PPP1R13B: variants seen among roughly 807,000 people sequenced by gnomAD.
PPP1R13B encodes the protein protein phosphatase 1 regulatory subunit 13B, also known as apoptosis-stimulating of p53 protein 1.
In PPP1R13B, 44 loss-of-function variants were observed where a neutral mutation model predicts 119.8. The observed-to-expected ratio is 0.37, with a 90% CI of 0.29 to 0.47. The LOEUF is 0.47. PPP1R13B is among the 20% of genes least tolerant of loss of function. The pLI, the probability that PPP1R13B is intolerant of heterozygous loss-of-function variation, is 0.99. For missense variants in PPP1R13B, 1,227 were observed against 1,413.5 expected (o/e 0.87, Z 2.12); for synonymous variants, 542 against 561.5 (o/e 0.97, Z 0.49).
Position 103,780,485 on chromosome 14 carries a change from CAAAAAAAAA to C in PPP1R13B, c.278-1673_278-1665del, listed in dbSNP as rs34274916. 1.7e-4 allele frequency among the ~76,000 whole-genome samples: 6 copies of C among 36,192 alleles called. No individual in the cohort carries two copies. The East Asian group carries it at 3.0e-3, about 18-fold the overall frequency. The allele number at this position is 36,192 out of a possible 152,430, so 23.7% of individuals were successfully genotyped here. A position where few individuals can be genotyped will look rare whatever the true frequency, so the allele number is the denominator to read the frequency against. ...CTGGGTAACAAGTGAAACCCTGTCT[CAAAAAAAAA>C]AAAAAAAAAAAAAAAAAAAAGACAT... is the stretch of plus-strand genomic sequence containing the variant. On this transcript the variant is annotated intron_variant, in intron 3 of 16. Coordinates refer to ENST00000202556, the MANE Select transcript of PPP1R13B (RefSeq NM_015316.3).
rs1471821668 is a variant in PPP1R13B at position 103,739,864 on chromosome 14, G to A, written c.2552C>T (p.Ala851Val). The change falls in exon 12 of 17, where the codon GCA becomes GTA. Residue 851 changes from alanine to valine, a missense_variant. Physicochemically the swap from Ala to Val is moderately conservative, Grantham distance 64. Transcript: ENST00000202556. Reference protein sequence around the residue: ...PSPGEEQVPPAPLPPASHPPA... With the variant: ...PSPGEEQVPPVPLPPASHPPA... ...AGGGTGGCTGGCAGGGGGAAGAGGTGCTGGAGGGACCTGCTCTTCCCCTGG... is the reference window on the plus strand; with the variant it reads ...AGGGTGGCTGGCAGGGGGAAGAGGTACTGGAGGGACCTGCTCTTCCCCTGG... 3 of 1,613,396 alleles carry A rather than the reference G, an allele frequency of 1.9e-6. No homozygotes were observed. The East Asian group carries it at 6.7e-5, about 36-fold the overall frequency.
At chr14:103,840,117 G>C (rs1287099534) in intron 1 of PPP1R13B, 4 of 152,192 alleles carry the variant, frequency 2.6e-5, no homozygotes, top group African/African-American at 7.2e-5. Context: ...TATCTCTGCA[G>C]TGAAATAAAG....
At chr14:103,818,528 G>C in intron 1 of PPP1R13B, 1 of 979,344 alleles carries the variant, frequency 1.0e-6, no homozygotes, top group Non-Finnish European at 1.2e-6. Context: ...GCAGCTACTA[G>C]ACAAATCATA....
At position 103,742,222 on chromosome 14, in the gene PPP1R13B, T is replaced by A; in HGVS notation, c.1390A>T (p.Thr464Ser). The A allele has an allele frequency of 1.3e-6, 2 of 1,596,438 alleles. No individual in the cohort carries two copies. Among genetic ancestry groups the A allele is most frequent in the Non-Finnish European group, 1.7e-6 (2 of 1,177,026 alleles). The change falls in exon 11 of 17, where the codon ACA becomes TCA. Residue 464 changes from threonine to serine, a missense_variant. Transcript: ENST00000202556. The surrounding 1 kb of genome is among the most constrained non-coding windows in gnomAD (Gnocchi z 4.9). ...VGKQLPPSYG[T>S]YPSPTPLGPG... The stretch of plus-strand genomic sequence containing the variant: ...CCCAGAGGTGTAGGACTTGGGTATG[T>A]CCCATAGCTTGGAGGCAGCTGCTTG...
chr14:103,826,053 T>A (rs1024195104), intron 1 of PPP1R13B, among the ~76,000 whole-genome samples: 3 of 152,024 alleles, frequency 2.0e-5, no homozygotes, highest in African/African-American at 7.2e-5. Flanking sequence ...AATTTTTGTA[T>A]TTTTAGTAGA....
chr14:103,749,780 A>C lies in PPP1R13B; in HGVS notation c.969+14T>G. 1.9e-6 allele frequency: 3 copies of C among 1,608,338 alleles called. No homozygotes were observed. The highest frequency in any genetic ancestry group is 2.5e-6 in the Non-Finnish European group (3 of 1,178,514). ...ATCTTTAGTAGTTTATCTCACAAAAACTTTTTCACATGCCTGAATTTTTTT... is the reference window on the plus strand; with the variant it reads ...ATCTTTAGTAGTTTATCTCACAAAACCTTTTTCACATGCCTGAATTTTTTT... On this transcript the variant is annotated intron_variant, in intron 8 of 16. Coordinates refer to ENST00000202556, the MANE Select transcript of PPP1R13B (RefSeq NM_015316.3).
chr14:103,734,548 C>G lies in PPP1R13B; in HGVS notation c.*606G>C, dbSNP rs1196618479. On this transcript the variant is annotated 3_prime_UTR_variant, in exon 17 of 17. Coordinates refer to ENST00000202556, the MANE Select transcript of PPP1R13B (RefSeq NM_015316.3). ...AGCCACAGTGCTGGGCCTGCACAAT[C>G]AGCCTTTAGGTGAACTGGAACAGGA... is the stretch of plus-strand genomic sequence containing the variant. 1.5e-5 allele frequency: 7 copies of G among 456,334 alleles called. No individual in the cohort carries two copies. The highest frequency in any genetic ancestry group is 2.6e-5 in the Non-Finnish European group (6 of 226,820). 28.3% of individuals were successfully genotyped at this position (456,334 alleles called of 1,614,324 possible).
intron 1 of PPP1R13B, among the ~76,000 whole-genome samples, chr14:103,805,654 G>C (rs1235135807): frequency 6.6e-6 from 1 of 152,124 alleles, no homozygotes; most frequent in Non-Finnish European, 1.5e-5. Context: ...TCCATTAACA[G>C]ATAATTATGG....
At chr14:103,745,799 TTTTTG>T (rs571446863) in intron 9 of PPP1R13B, among the ~76,000 whole-genome samples, 17 of 152,096 alleles carry the variant, frequency 1.1e-4, no homozygotes, top group East Asian at 1.9e-4. Flanking sequence ...GGGTCAGTTT[TTTTTG>T]TTTTGTTTTG....
At chr14:103,780,809 TAAA>T (rs202112499) in intron 3 of PPP1R13B, among the ~76,000 whole-genome samples, 4 of 126,260 alleles carry the variant, frequency 3.2e-5, no homozygotes, top group Admixed American at 8.4e-5. Flanking sequence ...ACTCTGTCTC[TAAA>T]AAAAAAAAAA....
chr14:103,846,908 C>T, intron 1 of PPP1R13B: 1 of 968,930 alleles, frequency 1.0e-6, no homozygotes, highest in Non-Finnish European at 1.4e-6. Flanking sequence ...GGCGCGGGTG[C>T]CCACCCCGCC....
intron 1 of PPP1R13B, among the ~76,000 whole-genome samples, chr14:103,824,673 C>T (rs910775541): frequency 2.7e-5 from 4 of 148,830 alleles, no homozygotes; most frequent in African/African-American, 1.0e-4. Context: ...CCAGCATGGG[C>T]GACAGAGCGA....
At chr14:103,838,870 G>A (rs1595846832) in intron 1 of PPP1R13B, among the ~76,000 whole-genome samples, 1 of 152,190 alleles carries the variant, frequency 6.6e-6, no homozygotes, top group Non-Finnish European at 1.5e-5. Context: ...GGCAATGCCA[G>A]CATCCATATT....
intron 2 of PPP1R13B, among the ~76,000 whole-genome samples, chr14:103,793,915 T>C (rs1341374064): frequency 1.3e-5 from 2 of 152,174 alleles, no homozygotes; most frequent in Non-Finnish European, 2.9e-5. Context: ...TAACTGTATT[T>C]GGAGACAGGA....
At chr14:103,816,298 C>T (rs1377636976) in intron 1 of PPP1R13B, among the ~76,000 whole-genome samples, 3 of 150,836 alleles carry the variant, frequency 2.0e-5, no homozygotes, top group African/African-American at 7.3e-5. Context: ...GCTGGGAATA[C>T]AGGTGCGTGC....
rs1032771586 is a variant in PPP1R13B, at chr14:103,734,132, G to T, written c.*1022C>A. 4.5e-6 allele frequency: 1 copy of T among 222,196 alleles called. No individual in the cohort carries two copies. Among genetic ancestry groups the T allele is most frequent in the Admixed American group, 4.9e-5 (1 of 20,356 alleles). The allele number at this position is 222,196 out of a possible 1,614,324, so 13.8% of individuals were successfully genotyped here. A position where few individuals can be genotyped will look rare whatever the true frequency, so the allele number is the denominator to read the frequency against. On this transcript the variant is annotated 3_prime_UTR_variant, in exon 17 of 17. Transcript: ENST00000202556. The stretch of plus-strand genomic sequence containing the variant: ...CCTCCTTGCCTTGAGGCTGGGCCTG[G>T]GACAAAGGTGGCCTCACAGCCAGCC...
At chr14:103,784,561 C>T (rs1331797927) in intron 3 of PPP1R13B, among the ~76,000 whole-genome samples, 4 of 119,876 alleles carry the variant, frequency 3.3e-5, no homozygotes, top group South Asian at 2.9e-4. Flanking sequence ...CCAGCCTGGG[C>T]GACAGAGTGA....
rs2084042452 is a variant in PPP1R13B, at chr14:103,734,626, T to C, written c.*528A>G. The C allele has an allele frequency of 2.2e-6, 1 of 456,380 alleles. No homozygotes were observed. Among genetic ancestry groups the C allele is most frequent in the African/African-American group, 2.0e-5 (1 of 50,060 alleles). The allele number at this position is 456,380 out of a possible 1,614,324, so 28.3% of individuals were successfully genotyped here. A position where few individuals can be genotyped will look rare whatever the true frequency, so the allele number is the denominator to read the frequency against. On this transcript the variant is annotated 3_prime_UTR_variant, in exon 17 of 17. Coordinates refer to ENST00000202556, the MANE Select transcript of PPP1R13B (RefSeq NM_015316.3). ...AGTGGGTACTGGGAGGCATACACAC[T>C]GGGCAGCAACACTGGACATGTTTCC...
At chr14:103,761,274 TA>T (rs59281762) in intron 4 of PPP1R13B, among the ~76,000 whole-genome samples, 1,488 of 104,604 alleles carry the variant, frequency 0.014, 12 homozygotes, top group African/African-American at 0.053. Flanking sequence ...ACCCTATATT[TA>T]AAAAAAAAAA....
Sources: gnomAD v4.1 joint callset for allele counts (sites outside exome capture counted in the v4.1 genomes callset) on GRCh38, gnomAD v4.1.1 for gene constraint, Gnocchi (gnomAD v3.1) non-coding constraint, MANE v1.5 for transcripts, NCBI Gene and HGNC (gene_info 2026-07-23, HGNC 2026-07-21) for gene names.